NUP37: variants seen among roughly 807,000 people sequenced by gnomAD.
NUP37 encodes the protein nucleoporin Nup37.
Under a neutral mutation model 45.4 loss-of-function variants are expected in NUP37, and 33 were observed. The observed-to-expected ratio is 0.73, with a 90% CI of 0.55 to 0.97. The LOEUF is 0.97. Among genes scored for constraint, NUP37 ranks in the 50% least tolerant of loss-of-function variants. The pLI, the probability that NUP37 is intolerant of heterozygous loss-of-function variation, is 0.00. For synonymous variants in NUP37, 127 were observed against 130.7 expected (o/e 0.97, Z 0.19); for missense variants, 365 against 389.7 (o/e 0.94, Z 0.53).
intron 2 of NUP37, among the ~76,000 whole-genome samples, chr12:102,113,633 G>A (rs555042566): frequency 1.9e-4 from 29 of 152,082 alleles, no homozygotes; most frequent in South Asian, 4.1e-4. Flanking sequence ...CCAAATTTTC[G>A]CGACAAATTT....
chr12:102,091,642 A>G (rs1879659004), intron 5 of NUP37, among the ~76,000 whole-genome samples: 6 of 152,168 alleles, frequency 3.9e-5, no homozygotes. Context: ...TGGGAAAGTT[A>G]TGTGCTGACA....
chr12:102,080,736 A>G (rs1879309580), intron 6 of NUP37, among the ~76,000 whole-genome samples: 1 of 152,206 alleles, frequency 6.6e-6, no homozygotes, highest in African/African-American at 2.4e-5. Flanking sequence ...TACAGTGCAC[A>G]CATGTTCCCT....
intron 2 of NUP37, 150 bp from the exon 3 acceptor site, chr12:102,112,382 G>A: frequency 1.8e-6 from 1 of 551,150 alleles, no homozygotes; most frequent in Non-Finnish European, 2.9e-6. Flanking sequence ...CTAGTTCATT[G>A]AATTAAAAAA....
At chr12:102,088,263 C>T (rs1337211183) in intron 5 of NUP37, among the ~76,000 whole-genome samples, 1 of 152,116 alleles carries the variant, frequency 6.6e-6, no homozygotes, top group Non-Finnish European at 1.5e-5. Context: ...TTTTATGGAG[C>T]TCAGCTCATT....
At chr12:102,105,246 C>T (rs999130755) in intron 3 of NUP37, among the ~76,000 whole-genome samples, 11 of 152,134 alleles carry the variant, frequency 7.2e-5, no homozygotes, top group South Asian at 2.1e-4. Flanking sequence ...ATGCCATGGC[C>T]GGGTGCAATG....
At chr12:102,086,375 C>T (rs563566666) in intron 5 of NUP37, among the ~76,000 whole-genome samples, 89 of 152,306 alleles carry the variant, frequency 5.8e-4, no homozygotes, top group Non-Finnish European at 1.0e-4. Context: ...ATTCCTTCTA[C>T]CTTTAGGATT....
chr12:102,074,972 ACG>A, intron 9 of NUP37, 27 bp downstream of exon 9: 1 of 1,351,680 alleles, frequency 7.4e-7, no homozygotes, highest in Non-Finnish European at 1.0e-6. Flanking sequence ...AAAAAAAAGC[ACG>A]TATGTTACAA....
chr12:102,099,225 T>C (rs1879902839), intron 4 of NUP37, 25 bp from the exon 5 acceptor site: 1 of 1,531,318 alleles, frequency 6.5e-7, no homozygotes, highest in Non-Finnish European at 9.0e-7. Flanking sequence ...AACAGAAAGC[T>C]TAGCAAGAAA....
At chr12:102,110,410 A>G (rs537609362) in intron 3 of NUP37, among the ~76,000 whole-genome samples, 1 of 151,262 alleles carries the variant, frequency 6.6e-6, no homozygotes, top group South Asian at 2.1e-4. Context: ...CGGAGGTGAG[A>G]GGGAGGGTTG....
chr12:102,089,676 G>C lies in NUP37; in HGVS notation c.450-3820C>G, dbSNP rs369826982. On this transcript the variant is annotated intron_variant, in intron 5 of 9. Transcript: ENST00000552283. ...GGGCAGAGGCGCTCCTCACTTCCCA[G>C]ACGGGGCAGCCGGGCAGAGGCGCTC... Among the ~76,000 whole-genome samples, 8 of 143,090 alleles carry C rather than the reference G, an allele frequency of 5.6e-5. No individual in the cohort carries two copies. In the East Asian group the frequency reaches 1.8e-3, roughly 32 times the overall value. The allele number at this position is 143,090 out of a possible 152,430, so 93.9% of individuals were successfully genotyped here.
In NUP37 at chr12:102,115,679, C is replaced by T. The variant is rs145381637; in HGVS notation, c.156+2684G>A. The T allele has an allele frequency of 4.0e-3, 938 of 233,260 alleles. 11 individuals are homozygous for T. Among genetic ancestry groups the T allele is most frequent in the African/African-American group, 0.02 (873 of 43,064 alleles). 14.4% of individuals were successfully genotyped at this position (233,260 alleles called of 1,614,324 possible). On this transcript the variant is annotated intron_variant, in intron 2 of 9. Transcript: ENST00000552283. ...ATGTCCATCATAATCAAAGGGACAA[C>T]ATGAGATTCTGAAAAATGCTTTATT...
At chr12:102,101,940 G>C (rs1485706307) in intron 3 of NUP37, among the ~76,000 whole-genome samples, 4 of 152,030 alleles carry the variant, frequency 2.6e-5, no homozygotes, top group Non-Finnish European at 5.9e-5. Context: ...GGCCAGGCTG[G>C]TCTCGAACTC....
At chr12:102,106,181 C>T (rs1482932211) in intron 3 of NUP37, among the ~76,000 whole-genome samples, 1 of 152,154 alleles carries the variant, frequency 6.6e-6, no homozygotes, top group Non-Finnish European at 1.5e-5. Flanking sequence ...GCCTAATAAA[C>T]CAACCCCACT....
At chr12:102,088,777 C>T (rs1372410476) in intron 5 of NUP37, among the ~76,000 whole-genome samples, 1 of 146,798 alleles carries the variant, frequency 6.8e-6, no homozygotes, top group Non-Finnish European at 1.5e-5. Context: ...GTGGCAGGGT[C>T]ATAGGATAAT....
intron 5 of NUP37, among the ~76,000 whole-genome samples, chr12:102,089,453 G>A (rs542561968): frequency 3.4e-5 from 5 of 145,628 alleles, no homozygotes; most frequent in Non-Finnish European, 7.5e-5. Flanking sequence ...CTTCCCAGAC[G>A]GGGCGGCCGG....
intron 3 of NUP37, among the ~76,000 whole-genome samples, chr12:102,107,047 A>C (rs1166062944): frequency 6.6e-6 from 1 of 152,158 alleles, no homozygotes; most frequent in Non-Finnish European, 1.5e-5. Context: ...CTTCCCTGCT[A>C]TATAAACCCC....
intron 3 of NUP37, among the ~76,000 whole-genome samples, chr12:102,106,832 C>T (rs1337551002): frequency 6.6e-6 from 1 of 152,178 alleles, no homozygotes. Flanking sequence ...GAGATTGACT[C>T]TCCTGATCTT....
chr12:102,074,346 A>G lies in NUP37; in HGVS notation c.*8T>C, dbSNP rs1222068125. The G allele has an allele frequency of 1.3e-6, 2 of 1,554,376 alleles. No homozygotes were observed. Among genetic ancestry groups the G allele is most frequent in the African/African-American group, 2.7e-5 (2 of 73,486 alleles). The stretch of plus-strand genomic sequence containing the variant: ...CAAAGTTTGTGAATCTAAGGTACAG[A>G]AAACACTTTATACTTCAGTCACCCA... On this transcript the variant is annotated 3_prime_UTR_variant, in exon 10 of 10. Coordinates refer to ENST00000552283, the MANE Select transcript of NUP37 (RefSeq NM_024057.4).
intron 3 of NUP37, among the ~76,000 whole-genome samples, chr12:102,106,523 A>C (rs183478017): frequency 6.6e-6 from 1 of 152,332 alleles, no homozygotes; most frequent in Admixed American, 6.5e-5. Context: ...AGTAAAGGAG[A>C]CTAGATTAGT....
Sources: allele counts gnomAD v4.1 joint callset (sites outside exome capture counted in the v4.1 genomes callset), GRCh38; gene constraint gnomAD v4.1.1; transcripts MANE v1.5; gene names NCBI Gene and HGNC (gene_info 2026-07-23, HGNC 2026-07-21).